The following TP53BP1 variants were observed in gnomAD, a reference collection of about 807,000 sequenced individuals.
TP53BP1 encodes the protein tumor protein p53 binding protein 1.
In TP53BP1, 61 loss-of-function variants were observed where a neutral mutation model predicts 200.8. That is an observed-to-expected ratio of 0.30 (90% CI 0.25 to 0.38). The LOEUF (loss-of-function observed/expected upper bound fraction) is 0.38. TP53BP1 is among the 10% of genes least tolerant of loss of function. TP53BP1 has a pLI of 1.00. For missense variants in TP53BP1, 2,144 were observed against 2,371.9 expected (o/e 0.90, Z 2.00); for synonymous variants, 822 against 844.3 (o/e 0.97, Z 0.46).
At chr15:43,408,305 C>A in intron 26 of TP53BP1, 2 of 484,758 alleles carry the variant, frequency 4.1e-6, no homozygotes, top group Non-Finnish European at 3.7e-6. Flanking sequence ...TGGTGAGACC[C>A]CATCTCTACA....
chr15:43,479,512 C>T lies in TP53BP1; in HGVS notation c.673G>A (p.Glu225Lys). 3 of 1,608,562 alleles carry T rather than the reference C, an allele frequency of 1.9e-6. No individual in the cohort carries two copies. The highest frequency in any genetic ancestry group is 1.7e-4 in the Middle Eastern group (1 of 6,046). ...VDANTAIKHE[E>K]QSNEDIPIAE... ...ATGGGGATATCTTCGTTGGACTGTT[C>T]TTCATGCTTAATTGCTGAGAGTTTT... Residue 225 changes from glutamate to lysine, a missense_variant, in exon 7 of 28, where the codon GAA (glutamate) becomes AAA (lysine). Glu to Lys is a moderately conservative substitution (Grantham distance 56). This residue lies in a region of TP53BP1 where 1,700 missense variants were observed against 1,710.3 expected (regional missense o/e 0.99). Coordinates refer to ENST00000382044, the MANE Select transcript of TP53BP1 (RefSeq NM_001141980.3).
chr15:43,428,231 T>TCACA (rs2045594956), intron 17 of TP53BP1, 63 bp from the exon 18 acceptor site: 2 of 1,421,936 alleles, frequency 1.4e-6, no homozygotes, highest in South Asian at 2.4e-5. Flanking sequence ...ATCACAAATC[T>TCACA]TATGCTTCAT....
chr15:43,409,080 T>C lies in TP53BP1; in HGVS notation c.5417A>G (p.Gln1806Arg). 6.2e-7 allele frequency: 1 copy of C among 1,614,174 alleles called. No homozygotes were observed. ...FNEAQCNTAYQCLLIADQHCR... is the reference protein window; with the variant it reads ...FNEAQCNTAYRCLLIADQHCR... ...ATGCTGATCCGCAATTAGAAGACAC[T>C]GGTAAGCTGTGTTACACTGCAAGAA... The change falls in exon 26 of 28, where the codon CAG becomes CGG. Residue 1806 changes from glutamine to arginine, a missense_variant. Gln to Arg is a conservative substitution (Grantham distance 43). Coordinates refer to ENST00000382044, the MANE Select transcript of TP53BP1 (RefSeq NM_001141980.3).
At chr15:43,429,672 T>C (rs547339251) in intron 17 of TP53BP1, among the ~76,000 whole-genome samples, 9 of 152,226 alleles carry the variant, frequency 5.9e-5, no homozygotes, top group Non-Finnish European at 1.2e-4. Flanking sequence ...GATATGTAAA[T>C]TATGTGACTA....
At chr15:43,411,612 A>T (rs1203175635) in intron 24 of TP53BP1, among the ~76,000 whole-genome samples, 2 of 152,250 alleles carry the variant, frequency 1.3e-5, no homozygotes, top group Non-Finnish European at 2.9e-5. Flanking sequence ...ATACACTGAA[A>T]ATATCAAGGA....
At chr15:43,498,404 C>T (rs554821549) in intron 1 of TP53BP1, among the ~76,000 whole-genome samples, 2 of 152,298 alleles carry the variant, frequency 1.3e-5, no homozygotes, top group African/African-American at 2.4e-5. Context: ...ATATAATGCA[C>T]TGAGGATATA....
intron 7 of TP53BP1, among the ~76,000 whole-genome samples, 196 bp downstream of exon 7, chr15:43,479,193 AACAGACAG>A (rs901442865): frequency 9.2e-5 from 14 of 152,154 alleles, no homozygotes; most frequent in East Asian, 3.8e-4. Context: ...CTTTGTTTCA[AACAGACAG>A]ACAGACAGAC....
At chr15:43,428,202 C>G (rs1020466750) in intron 17 of TP53BP1, 34 bp from the exon 18 acceptor site, 4 of 1,596,118 alleles carry the variant, frequency 2.5e-6, no homozygotes, top group Non-Finnish European at 3.4e-6. Context: ...AAGCACAGGT[C>G]TCACTGCAAG....
chr15:43,436,723 T>C (rs2045808022), intron 16 of TP53BP1, among the ~76,000 whole-genome samples: 1 of 151,312 alleles, frequency 6.6e-6, no homozygotes, highest in African/African-American at 2.4e-5. Flanking sequence ...CCTCAAGTAA[T>C]CCTCATGCTT....
At chr15:43,477,185 A>T (rs990614538) in intron 8 of TP53BP1, among the ~76,000 whole-genome samples, 1 of 151,978 alleles carries the variant, frequency 6.6e-6, no homozygotes, top group African/African-American at 2.4e-5. Context: ...CTGTAGTCCC[A>T]GCTACTAGGG....
At chr15:43,505,787 C>T (rs2079232750) in intron 1 of TP53BP1, among the ~76,000 whole-genome samples, 1 of 152,188 alleles carries the variant, frequency 6.6e-6, no homozygotes, top group African/African-American at 2.4e-5. Context: ...CATGCCTTTG[C>T]AGACAAACCA....
rs1040855275 is a variant in TP53BP1, at chr15:43,479,919, G to C, written c.598C>G (p.Leu200Val). 1 of 1,614,052 alleles carries C rather than the reference G, an allele frequency of 6.2e-7. No homozygotes were observed. Among genetic ancestry groups the C allele is most frequent in the Non-Finnish European group, 8.5e-7 (1 of 1,180,044 alleles). ...TVPYEVDKEQ[L>V]QSVTTNSGYT... is the part of the protein sequence containing the mutation. ...CCAGAGTTGGTGGTTACTGATTGTA[G>C]CTGCTCTTTGTCCACTTCATATGGC... The change falls in exon 6 of 28, where the codon CTA becomes GTA. Residue 200 changes from leucine (L) to valine (V), a missense_variant. Coordinates refer to ENST00000382044, the MANE Select transcript of TP53BP1 (RefSeq NM_001141980.3).
intron 11 of TP53BP1, among the ~76,000 whole-genome samples, chr15:43,469,518 TA>T (rs982913705): frequency 1.3e-5 from 2 of 151,970 alleles, no homozygotes; most frequent in Admixed American, 6.6e-5. Context: ...AAAAATTTAT[TA>T]AAAAAAACCA....
At chr15:43,485,787 G>A (rs2924369) in intron 4 of TP53BP1, among the ~76,000 whole-genome samples, 81,433 of 150,264 alleles carry the variant, frequency 0.54, 26,937 homozygotes, top group Non-Finnish European at 0.71. Flanking sequence ...AAGTTGCAGT[G>A]AGCCAAGATG....
Position 43,405,190 on chromosome 15 carries a change from T to A in TP53BP1, c.*2193A>T, listed in dbSNP as rs773036921. 1 of 1,614,186 alleles carries A rather than the reference T, an allele frequency of 6.2e-7. No homozygotes were observed. The highest frequency in any genetic ancestry group is 2.2e-5 in the East Asian group (1 of 44,876). On this transcript the variant is annotated 3_prime_UTR_variant, in exon 28 of 28. Transcript: ENST00000382044. ...GCATGACACTTAATAAGGCTCTTTT[T>A]CTCTTTTGTAGTTTCGGGATGTGAA... is the stretch of plus-strand genomic sequence containing the variant.
rs1173683921 is a variant in TP53BP1 at position 43,470,177 on chromosome 15, G to A, written c.1181-111C>T. On this transcript the variant is annotated intron_variant, in intron 10 of 27. Transcript: ENST00000382044. ...CAGACATTTTCACTCTAAAAAAATA[G>A]TGACGTAATTTTTCAGAAAAGCTGA... 3.3e-6 allele frequency: 3 copies of A among 911,308 alleles called. No homozygotes were observed. In the East Asian group the frequency reaches 7.4e-5, roughly 22 times the overall value. The allele number at this position is 911,308 out of a possible 1,614,324, so 56.5% of individuals were successfully genotyped here. A position where few individuals can be genotyped will look rare whatever the true frequency, so the allele number is the denominator to read the frequency against.
chr15:43,448,843 G>A (rs1379594119), intron 12 of TP53BP1, among the ~76,000 whole-genome samples: 1 of 152,208 alleles, frequency 6.6e-6, no homozygotes, highest in Admixed American at 6.5e-5. Context: ...ACTGTAAAGA[G>A]GGGCCAGGTA....
At chr15:43,485,143 C>A (rs1312721425) in intron 4 of TP53BP1, among the ~76,000 whole-genome samples, 2 of 152,162 alleles carry the variant, frequency 1.3e-5, no homozygotes, top group African/African-American at 2.4e-5. Context: ...ATCTAACATA[C>A]TACATATTTT....
intron 2 of TP53BP1, 68 bp from the exon 3 acceptor site, chr15:43,492,163 T>C: frequency 2.0e-6 from 3 of 1,503,068 alleles, no homozygotes; most frequent in Non-Finnish European, 2.8e-6. Flanking sequence ...CTACTATTTG[T>C]GAACAATTTT....
Sources: gnomAD v4.1 joint callset for allele counts (sites outside exome capture counted in the v4.1 genomes callset) on GRCh38, gnomAD v4.1.1 for gene constraint, gnomAD v4.1.1 regional missense constraint, MANE v1.5 for transcripts, NCBI Gene and HGNC (gene_info 2026-07-23, HGNC 2026-07-21) for gene names.